ATP8B4: variants seen among roughly 807,000 people sequenced by gnomAD.
ATP8B4 encodes ATPase phospholipid transporting 8B4 (putative).
In ATP8B4, 133 loss-of-function variants were observed where a neutral mutation model predicts 145.6. That is an observed-to-expected ratio of 0.91 (90% CI 0.79 to 1.05). The LOEUF (loss-of-function observed/expected upper bound fraction) is 1.05. Ranked by LOEUF, ATP8B4 falls within the 50% of genes least tolerant of loss-of-function variation. The pLI is 0.00. For synonymous variants in ATP8B4, 507 were observed against 492.9 expected (o/e 1.03, Z -0.38); for missense variants, 1,458 against 1,425.2 (o/e 1.02, Z -0.37).
chr15:49,944,961 C>T (rs924013652), intron 14 of ATP8B4, among the ~76,000 whole-genome samples: 7 of 151,968 alleles, frequency 4.6e-5, no homozygotes, highest in African/African-American at 1.7e-4. Context: ...CTTGAATAGC[C>T]ACTGGCTCAA....
intron 1 of ATP8B4, among the ~76,000 whole-genome samples, chr15:50,164,446 T>G (rs1227527994): frequency 6.6e-6 from 1 of 152,128 alleles, no homozygotes; most frequent in Non-Finnish European, 1.5e-5. Flanking sequence ...GGGCCTAGAA[T>G]GGGGACCTCA....
intron 11 of ATP8B4, among the ~76,000 whole-genome samples, chr15:49,980,807 G>A (rs2046085855): frequency 6.6e-6 from 1 of 152,132 alleles, no homozygotes; most frequent in East Asian, 1.9e-4. Flanking sequence ...CTGAGTGTGG[G>A]GCCCTGTGTG....
intron 1 of ATP8B4, among the ~76,000 whole-genome samples, chr15:50,153,922 C>T (rs754713561): frequency 3.3e-5 from 5 of 152,156 alleles, no homozygotes; most frequent in Non-Finnish European, 5.9e-5. Context: ...CTAATTTTTA[C>T]TAAGAGAAGA....
chr15:50,079,427 T>C (rs1169449213), intron 2 of ATP8B4, among the ~76,000 whole-genome samples: 10 of 152,182 alleles, frequency 6.6e-5, no homozygotes, highest in Non-Finnish European at 2.9e-5. Flanking sequence ...AAAGGAATGC[T>C]TGTCTATTGC....
At position 49,885,184 on chromosome 15, in the gene ATP8B4, G is replaced by A. The variant is rs981808996; in HGVS notation, c.2698-5725C>T. On this transcript the variant is annotated intron_variant, in intron 23 of 27. Coordinates refer to ENST00000284509, the MANE Select transcript of ATP8B4 (RefSeq NM_024837.4). The stretch of plus-strand genomic sequence containing the variant: ...CCCTCCCTCACCTAGCTGAGGCTTC[G>A]CTGATGGGCTTTCTCCAACTTATCT... 5.9e-4 allele frequency among the ~76,000 whole-genome samples: 90 copies of A among 152,218 alleles called. No homozygotes were observed. In the East Asian group the frequency reaches 7.0e-3, roughly 12 times the overall value.
chr15:49,925,879 GA>G (rs2040671044), intron 16 of ATP8B4, among the ~76,000 whole-genome samples: 1 of 152,098 alleles, frequency 6.6e-6, no homozygotes, highest in Admixed American at 6.6e-5. Flanking sequence ...AGTCATTTCA[GA>G]AGTTAGTATT....
At chr15:49,967,701 C>T (rs1405404732) in intron 13 of ATP8B4, among the ~76,000 whole-genome samples, 2 of 152,194 alleles carry the variant, frequency 1.3e-5, no homozygotes, top group African/African-American at 2.4e-5. Flanking sequence ...AAACACCCTT[C>T]AGGATATTAT....
chr15:49,859,016 T>TTTA lies in ATP8B4; in HGVS notation c.*1175_*1177dup, dbSNP rs1445240410. The TTTA allele has an allele frequency of 1.3e-5, 2 of 152,200 alleles. No homozygotes were observed. The highest frequency in any genetic ancestry group is 4.8e-5 in the African/African-American group (2 of 41,458). 9.4% of individuals were successfully genotyped at this position (152,200 alleles called of 1,614,324 possible). A position where few individuals can be genotyped will look rare whatever the true frequency, so the allele number is the denominator to read the frequency against. On this transcript the variant is annotated 3_prime_UTR_variant, in exon 28 of 28. Transcript: ENST00000284509. Reference sequence around the variant, plus strand: ...CAGAGAAGGCACATTATCGTCCAAGTTTATAGAGGTAAGAAGTGACAGAAC... The same window carrying TTTA: ...CAGAGAAGGCACATTATCGTCCAAGTTTATTATAGAGGTAAGAAGTGACAGAAC...
At chr15:49,861,517 C>T (rs912715898) in intron 27 of ATP8B4, among the ~76,000 whole-genome samples, 1 of 150,162 alleles carries the variant, frequency 6.7e-6, no homozygotes, top group Admixed American at 6.6e-5. Context: ...TCTCTCTCAG[C>T]ATCACTGGCC....
chr15:49,881,812 C>A (rs185716100), intron 23 of ATP8B4, among the ~76,000 whole-genome samples: 3 of 152,098 alleles, frequency 2.0e-5, no homozygotes, highest in East Asian at 3.9e-4. Context: ...CTGAAGATAA[C>A]GAAAAAAGTT....
At chr15:50,080,821 G>C (rs2054496220) in intron 2 of ATP8B4, among the ~76,000 whole-genome samples, 1 of 152,034 alleles carries the variant, frequency 6.6e-6, no homozygotes. Context: ...TTTAATGAAA[G>C]AGTCCTCATG....
chr15:50,083,622 A>G (rs2054700271), intron 2 of ATP8B4, among the ~76,000 whole-genome samples: 1 of 152,196 alleles, frequency 6.6e-6, no homozygotes, highest in Non-Finnish European at 1.5e-5. Flanking sequence ...GGCAAGAAAG[A>G]GCTCTGAAGA....
intron 1 of ATP8B4, among the ~76,000 whole-genome samples, chr15:50,112,110 G>A (rs1193039708): frequency 6.6e-6 from 1 of 152,166 alleles, no homozygotes; most frequent in East Asian, 1.9e-4. Flanking sequence ...TGAGGGGTTG[G>A]GGCCAGTGGA....
chr15:49,933,695 G>A (rs1483651650), intron 15 of ATP8B4, among the ~76,000 whole-genome samples: 2 of 152,062 alleles, frequency 1.3e-5, no homozygotes, highest in African/African-American at 2.4e-5. Flanking sequence ...GAAGCTTACA[G>A]TCAAATGTGG....
intron 16 of ATP8B4, among the ~76,000 whole-genome samples, chr15:49,928,409 A>G (rs1043376963): frequency 6.6e-6 from 1 of 152,070 alleles, no homozygotes; most frequent in South Asian, 2.1e-4. Flanking sequence ...AACAGCAACA[A>G]TGCATCCAGG....
chr15:49,903,316 C>A (rs2038251479), intron 20 of ATP8B4, among the ~76,000 whole-genome samples: 5 of 152,216 alleles, frequency 3.3e-5, no homozygotes, highest in Admixed American at 3.3e-4. Flanking sequence ...AGCGTACACA[C>A]AATGCTTAAC....
In ATP8B4 at chr15:49,901,134, G is replaced by T; in HGVS notation, c.2247C>A (p.Thr749=). ...TGATTAAGGCATAATCTCCTGTTAT[G>T]GTTTCTTCTACAATAGAATCCAACT... The part of the protein sequence containing the change: ...QLELDSIVEE[T]ITGDYALIIN... The change falls in exon 21 of 28, where the codon ACC becomes ACA. Residue 749 remains threonine, a synonymous_variant. Coordinates refer to ENST00000284509, the MANE Select transcript of ATP8B4 (RefSeq NM_024837.4). 1 of 1,613,304 alleles carries T rather than the reference G, an allele frequency of 6.2e-7. No homozygotes were observed. The highest frequency in any genetic ancestry group is 1.1e-5 in the South Asian group (1 of 91,020).
At chr15:50,175,339 G>A (rs958043616) in intron 1 of ATP8B4, among the ~76,000 whole-genome samples, 3 of 152,108 alleles carry the variant, frequency 2.0e-5, no homozygotes, top group Admixed American at 2.0e-4. Context: ...AAAAGGAACA[G>A]CAGAGTAAAT....
At chr15:49,931,058 T>C in intron 16 of ATP8B4, 61 bp downstream of exon 16, 1 of 1,493,088 alleles carries the variant, frequency 6.7e-7, no homozygotes, top group South Asian at 1.3e-5. Flanking sequence ...AAATTAATCC[T>C]TGAAAAGCAT....
Sources: gnomAD v4.1 joint callset for allele counts (sites outside exome capture counted in the v4.1 genomes callset) on GRCh38, gnomAD v4.1.1 for gene constraint, MANE v1.5 for transcripts, NCBI Gene and HGNC (gene_info 2026-07-23, HGNC 2026-07-21) for gene names.